HPSE2: variants seen among roughly 807,000 people sequenced by gnomAD.
HPSE2 encodes inactive heparanase-2.
A neutral mutation model predicts 60.5 loss-of-function variants in HPSE2; 38 were observed. That is an observed-to-expected ratio of 0.63 (90% CI 0.48 to 0.82). The LOEUF (loss-of-function observed/expected upper bound fraction) is 0.82, where lower values mean the gene tolerates loss of function less well. HPSE2 is among the 40% of genes least tolerant of loss of function. The pLI is 0.00. For synonymous variants in HPSE2, 295 were observed against 293.2 expected (o/e 1.01, Z -0.06); for missense variants, 713 against 740.4 (o/e 0.96, Z 0.43).
chr10:98,995,017 G>T (rs1182586255), intron 3 of HPSE2, among the ~76,000 whole-genome samples: 1 of 152,086 alleles, frequency 6.6e-6, no homozygotes, highest in Non-Finnish European at 1.5e-5. Flanking sequence ...GATTCCTGGG[G>T]GTTTCTCTAT....
intron 2 of HPSE2, among the ~76,000 whole-genome samples, chr10:99,215,052 C>G (rs1849073641): frequency 6.6e-6 from 1 of 152,020 alleles, no homozygotes. Flanking sequence ...GATTTAGTAC[C>G]AGAAGTACCA....
intron 8 of HPSE2, among the ~76,000 whole-genome samples, chr10:98,618,204 T>C (rs530578163): frequency 6.6e-6 from 1 of 152,292 alleles, no homozygotes; most frequent in South Asian, 2.1e-4. Context: ...CTGTGTCAAC[T>C]AAGCATTGGA....
intron 7 of HPSE2, among the ~76,000 whole-genome samples, chr10:98,626,924 C>A (rs1388033458): frequency 6.6e-6 from 1 of 152,158 alleles, no homozygotes; most frequent in African/African-American, 2.4e-5. Context: ...CAGGTGCCCA[C>A]CACCACGCCC....
chr10:98,944,863 T>C (rs1955132857), intron 3 of HPSE2, among the ~76,000 whole-genome samples: 1 of 152,114 alleles, frequency 6.6e-6, no homozygotes, highest in Non-Finnish European at 1.5e-5. Context: ...ACTGCTAACT[T>C]TGGAAAGAAA....
intron 3 of HPSE2, among the ~76,000 whole-genome samples, chr10:98,867,924 T>C (rs759340564): frequency 1.3e-5 from 2 of 151,650 alleles, no homozygotes; most frequent in Non-Finnish European, 2.9e-5. Flanking sequence ...TAGCCAGGGG[T>C]GGTGGCAGAT....
chr10:99,265,516 C>T, the HPSE2 span, among the ~76,000 whole-genome samples: 1 of 152,184 alleles, frequency 6.6e-6, no homozygotes, highest in African/African-American at 2.4e-5. Context: ...ATGATCAGTG[C>T]AGCAAACCAC....
At chr10:98,983,266 G>A (rs561843539) in intron 3 of HPSE2, among the ~76,000 whole-genome samples, 45 of 152,258 alleles carry the variant, frequency 3.0e-4, no homozygotes, top group East Asian at 9.6e-4. Flanking sequence ...TGGGAGCCCC[G>A]AGCTTGTTTT....
chr10:98,829,360 T>C (rs1450859139), intron 3 of HPSE2, among the ~76,000 whole-genome samples: 2 of 151,982 alleles, frequency 1.3e-5, no homozygotes, highest in Admixed American at 6.6e-5. Context: ...AAACCCCTTC[T>C]CTACTAAAAA....
intron 2 of HPSE2, among the ~76,000 whole-genome samples, chr10:99,206,313 T>C (rs553706359): frequency 6.6e-6 from 1 of 152,282 alleles, no homozygotes; most frequent in African/African-American, 2.4e-5. Context: ...AATAAAGTTA[T>C]GCATATGCTG....
chr10:98,504,992 C>G (rs1591283213), intron 9 of HPSE2, among the ~76,000 whole-genome samples: 1 of 152,082 alleles, frequency 6.6e-6, no homozygotes, highest in Non-Finnish European at 1.5e-5. Context: ...TAACTTTATG[C>G]TTCTAAGATT....
rs1949566212 is a variant in HPSE2 at position 98,744,026 on chromosome 10, G to A, written c.641C>T (p.Ala214Val). ...TATCAGGTGGAGTCCAGAGCAATCA[G>A]CAAAGTTATAAAGTTTGTCTAGAGA... ...ARSLDKLYNF[A>V]DCSGLHLIFA... Residue 214 changes from alanine (A) to valine (V), a missense_variant, in exon 4 of 12, where the codon GCT (alanine) becomes GTT (valine). Transcript: ENST00000370552. The A allele has an allele frequency of 6.2e-7, 1 of 1,614,088 alleles. No individual in the cohort carries two copies. The highest frequency in any genetic ancestry group is 8.5e-7 in the Non-Finnish European group (1 of 1,179,974).
At chr10:99,184,434 G>A (rs1393665636) in intron 2 of HPSE2, among the ~76,000 whole-genome samples, 12 of 145,290 alleles carry the variant, frequency 8.3e-5, no homozygotes, top group African/African-American at 3.1e-4. Flanking sequence ...CTGAGGCAGT[G>A]GAATCGCTTG....
At position 98,902,586 on chromosome 10, in the gene HPSE2, G is replaced by A. The variant is rs559485290; in HGVS notation, c.611-158530C>T. On this transcript the variant is annotated intron_variant, in intron 3 of 11. Coordinates refer to ENST00000370552, the MANE Select transcript of HPSE2 (RefSeq NM_021828.5). ...GGATATCAGTTTTCCTCTGTAAAAT[G>A]GGAGGGTGTTGTCTAATACCTCCAC... Among the ~76,000 whole-genome samples the A allele has an allele frequency of 5.3e-5, 8 of 152,152 alleles. No individual in the cohort carries two copies. The East Asian group carries it at 1.5e-3, about 29-fold the overall frequency.
intron 3 of HPSE2, among the ~76,000 whole-genome samples, chr10:98,748,489 G>A (rs1386474126): frequency 1.3e-5 from 2 of 152,084 alleles, no homozygotes; most frequent in African/African-American, 4.8e-5. Context: ...CCACCAGAGG[G>A]GGCCAATGCC....
At chr10:99,029,953 T>C (rs956808362) in intron 3 of HPSE2, among the ~76,000 whole-genome samples, 1 of 152,184 alleles carries the variant, frequency 6.6e-6, no homozygotes, top group Non-Finnish European at 1.5e-5. Context: ...ACGGTCTGCC[T>C]GGCAACGGGC....
chr10:98,562,693 G>C (rs1490531058), intron 9 of HPSE2, among the ~76,000 whole-genome samples: 2 of 134,194 alleles, frequency 1.5e-5, no homozygotes, highest in East Asian at 2.1e-4. Context: ...CCAGCCTGGC[G>C]AACAGAGTGA....
chr10:98,504,604 A>G (rs1290285520), intron 9 of HPSE2, among the ~76,000 whole-genome samples: 1 of 152,056 alleles, frequency 6.6e-6, no homozygotes. Flanking sequence ...GGCTAACACC[A>G]TGAAACCTCG....
Position 99,126,338 on chromosome 10 carries a change from C to G in HPSE2, c.610+17900G>C, listed in dbSNP as rs889516130. 2.6e-5 allele frequency among the ~76,000 whole-genome samples: 4 copies of G among 152,072 alleles called. No homozygotes were observed. In the East Asian group the frequency reaches 7.7e-4, roughly 29 times the overall value. ...AGTCTGAGCCCAGACTCACCTAACC[C>G]TGCCCCAACCTGATGGTATTTCACT... On this transcript the variant is annotated intron_variant, in intron 3 of 11. Coordinates refer to ENST00000370552, the MANE Select transcript of HPSE2 (RefSeq NM_021828.5). The surrounding 1 kb of genome is among the most constrained non-coding windows in gnomAD (Gnocchi z 4.0).
chr10:98,646,175 C>T lies in HPSE2; in HGVS notation c.1005-4235G>A, dbSNP rs140700767. ...TTCCCAGTTACAGAGCTTTGGTTCA[C>T]TGATGGTAGTTGCATGTGGTGATAG... On this transcript the variant is annotated intron_variant, in intron 6 of 11. Transcript: ENST00000370552. Among the ~76,000 whole-genome samples, 168 of 152,198 alleles carry T rather than the reference C, an allele frequency of 1.1e-3. 3 individuals are homozygous for T. Among genetic ancestry groups the T allele is most frequent in the African/African-American group, 3.9e-3 (160 of 41,508 alleles).
Sources: allele counts gnomAD v4.1 joint callset (sites outside exome capture counted in the v4.1 genomes callset), GRCh38; gene constraint gnomAD v4.1.1; non-coding constraint Gnocchi (gnomAD v3.1); transcripts MANE v1.5; gene names NCBI Gene and HGNC (gene_info 2026-07-23, HGNC 2026-07-21).